The following KCNIP4 variants were observed in gnomAD, a reference collection of about 807,000 sequenced individuals.
The protein encoded by KCNIP4 is potassium voltage-gated channel interacting protein 4.
KCNIP4 carries 12 observed loss-of-function variants against 34.0 expected under a neutral mutation model. The ratio of observed to expected loss-of-function variants is 0.35; its 90% CI spans 0.23 to 0.57. The LOEUF (loss-of-function observed/expected upper bound fraction) is 0.57. KCNIP4 is among the 20% of genes least tolerant of loss of function. KCNIP4 has a pLI of 0.83. For synonymous variants in KCNIP4, 124 were observed against 102.2 expected, an observed-to-expected ratio of 1.21 and a Z score of -1.29; for missense variants, 238 against 311.7, an observed-to-expected ratio of 0.76 and a Z score of 1.78.
chr4:21,853,934 T>C (rs957115811), intron 1 of KCNIP4, among the ~76,000 whole-genome samples: 1 of 152,176 alleles, frequency 6.6e-6, no homozygotes, highest in African/African-American at 2.4e-5. Context: ...TGTCATTAAG[T>C]GCTGCTCTGT....
chr4:21,478,218 C>A (rs1416531260), intron 1 of KCNIP4, among the ~76,000 whole-genome samples: 1 of 151,332 alleles, frequency 6.6e-6, no homozygotes, highest in Non-Finnish European at 1.5e-5. Context: ...AGATACAGAA[C>A]CCTAGGCTCT....
chr4:20,789,294 G>A (rs902022119), intron 3 of KCNIP4, among the ~76,000 whole-genome samples: 12 of 152,028 alleles, frequency 7.9e-5, no homozygotes, highest in African/African-American at 2.7e-4. Context: ...AAGAAATCTC[G>A]AAGAGATCCA....
chr4:21,709,166 G>A (rs892108731), intron 1 of KCNIP4, among the ~76,000 whole-genome samples: 1 of 152,040 alleles, frequency 6.6e-6, no homozygotes, highest in African/African-American at 2.4e-5. Context: ...GTAACTAAGT[G>A]AAGGACAACA....
At chr4:21,430,768 G>A (rs1011445034) in intron 1 of KCNIP4, among the ~76,000 whole-genome samples, 3 of 139,336 alleles carry the variant, frequency 2.2e-5, no homozygotes, top group African/African-American at 8.1e-5. Flanking sequence ...GGTCATTGAG[G>A]TGGCTAAGTG....
intron 1 of KCNIP4, among the ~76,000 whole-genome samples, chr4:21,193,479 G>T (rs554616233): frequency 6.6e-6 from 1 of 151,764 alleles, no homozygotes; most frequent in Non-Finnish European, 1.5e-5. Context: ...AGAATATGGA[G>T]AAACTCACAT....
intron 3 of KCNIP4, among the ~76,000 whole-genome samples, chr4:20,782,534 T>C (rs1756962607): frequency 6.6e-6 from 1 of 152,182 alleles, no homozygotes; most frequent in Admixed American, 6.5e-5. Flanking sequence ...ACATGGAAGC[T>C]GCCAGGGCTT....
At chr4:20,976,630 A>G (rs1273143874) in intron 1 of KCNIP4, among the ~76,000 whole-genome samples, 1 of 151,866 alleles carries the variant, frequency 6.6e-6, no homozygotes, top group Admixed American at 6.6e-5. Context: ...CTTCTCCCTT[A>G]TTATGTGAGA....
intron 2 of KCNIP4, among the ~76,000 whole-genome samples, chr4:20,871,049 G>A (rs1418188914): frequency 6.6e-6 from 1 of 152,106 alleles, no homozygotes; most frequent in African/African-American, 2.4e-5. Context: ...ACATTTAGAG[G>A]CAAGAGATCT....
chr4:21,462,871 C>T (rs577991781), intron 1 of KCNIP4, among the ~76,000 whole-genome samples: 4 of 141,114 alleles, frequency 2.8e-5, no homozygotes, highest in Middle Eastern at 7.9e-3. Flanking sequence ...TTTATTTATT[C>T]ATTTTATTTA....
intron 1 of KCNIP4, among the ~76,000 whole-genome samples, chr4:21,277,371 A>G (rs1762505268): frequency 6.6e-6 from 1 of 152,242 alleles, no homozygotes; most frequent in Non-Finnish European, 1.5e-5. Context: ...AGGAATTCAG[A>G]GGCTACAGAT....
At chr4:21,773,700 C>A (rs1339270148) in intron 1 of KCNIP4, among the ~76,000 whole-genome samples, 1 of 147,758 alleles carries the variant, frequency 6.8e-6, no homozygotes, top group African/African-American at 2.5e-5. Flanking sequence ...GGTTTAAAGT[C>A]TGTTTTGTAG....
chr4:21,531,672 C>A (rs1051112557), intron 1 of KCNIP4, among the ~76,000 whole-genome samples: 1 of 151,878 alleles, frequency 6.6e-6, no homozygotes, highest in African/African-American at 2.4e-5. Context: ...CCACCGCACC[C>A]GGCCTAAAGC....
intron 1 of KCNIP4, among the ~76,000 whole-genome samples, chr4:21,553,516 C>G (rs375451356): frequency 4.6e-5 from 7 of 152,018 alleles, no homozygotes; most frequent in African/African-American, 1.7e-4. Flanking sequence ...CCTTTTAAGA[C>G]GCACTTTTCT....
At chr4:21,349,455 A>G (rs1717784850) in intron 1 of KCNIP4, among the ~76,000 whole-genome samples, 1 of 152,182 alleles carries the variant, frequency 6.6e-6, no homozygotes, top group African/African-American at 2.4e-5. Flanking sequence ...GGCTATTTTT[A>G]AGAATTAATC....
chr4:20,839,787 T>C (rs1719504799), intron 3 of KCNIP4, among the ~76,000 whole-genome samples: 2 of 151,760 alleles, frequency 1.3e-5, no homozygotes, highest in African/African-American at 4.8e-5. Flanking sequence ...ATTCTTCAAT[T>C]TTGCAGGTGA....
At chr4:20,884,466 G>T (rs939607721) in intron 1 of KCNIP4, among the ~76,000 whole-genome samples, 1 of 145,520 alleles carries the variant, frequency 6.9e-6, no homozygotes, top group East Asian at 2.1e-4. Flanking sequence ...AAATAAATCT[G>T]GTTTACATAA....
intron 1 of KCNIP4, among the ~76,000 whole-genome samples, chr4:21,398,535 G>T (rs1293703989): frequency 6.6e-6 from 1 of 152,180 alleles, no homozygotes; most frequent in African/African-American, 2.4e-5. Context: ...TGGTGTCAGT[G>T]ATTAAGCAAT....
chr4:21,397,450 C>T (rs993882608), intron 1 of KCNIP4, among the ~76,000 whole-genome samples: 5 of 152,108 alleles, frequency 3.3e-5, no homozygotes, highest in African/African-American at 1.2e-4. Context: ...GGCTTAACAC[C>T]TAGGTGATGG....
At position 21,090,253 on chromosome 4, in the gene KCNIP4, A is replaced by G. The variant is rs183008626; in HGVS notation, c.62-207544T>C. ...GCTTCCACTGAACTTTGAGCTCCAT[A>G]AGGGTAACTATCAGCATGATGTGCC... On this transcript the variant is annotated intron_variant, in intron 1 of 8. Coordinates refer to ENST00000382152, the MANE Select transcript of KCNIP4 (RefSeq NM_025221.6). Among the ~76,000 whole-genome samples, 5 of 152,312 alleles carry G rather than the reference A, an allele frequency of 3.3e-5. No homozygotes were observed. In the East Asian group the frequency reaches 9.6e-4, roughly 29 times the overall value.
Sources: allele counts gnomAD v4.1 joint callset (sites outside exome capture counted in the v4.1 genomes callset), GRCh38; gene constraint gnomAD v4.1.1; transcripts MANE v1.5; gene names NCBI Gene and HGNC (gene_info 2026-07-23, HGNC 2026-07-21).